Variants in CSNK1D observed in about 807,000 individuals in gnomAD.
CSNK1D encodes casein kinase 1 delta.
Under a neutral mutation model 46.6 loss-of-function variants are expected in CSNK1D, and 16 were observed. The ratio of observed to expected loss-of-function variants is 0.34; its 90% CI spans 0.23 to 0.52. CSNK1D has a LOEUF of 0.52. CSNK1D is among the 20% of genes least tolerant of loss of function. CSNK1D has a pLI of 0.95. For synonymous variants in CSNK1D, 276 were observed against 228.2 expected (o/e 1.21, Z -1.89); for missense variants, 398 against 578.4 (o/e 0.69, Z 3.20).
chr17:82,267,059 CAAAAAAAAAA>C (rs975298692), intron 1 of CSNK1D: 1 of 51,126 alleles, frequency 2.0e-5, no homozygotes, highest in African/African-American at 6.9e-5. Context: ...GACACCGTCT[CAAAAAAAAAA>C]AAAAAAAAAA....
Position 82,251,262 on chromosome 17 carries a change from ACAAC to A in CSNK1D, c.885+113_885+116del. 2 of 1,274,594 alleles carry A rather than the reference ACAAC, an allele frequency of 1.6e-6. No homozygotes were observed. Among genetic ancestry groups the A allele is most frequent in the Non-Finnish European group, 2.2e-6 (2 of 892,334 alleles). The allele number at this position is 1,274,594 out of a possible 1,614,324, so 79.0% of individuals were successfully genotyped here. Reference sequence around the variant, plus strand: ...CCTGCCCACTACACACTTGCCCTTCACAACCAGAGACACTCCCTATATGGTACAG... The same window carrying A: ...CCTGCCCACTACACACTTGCCCTTCACAGAGACACTCCCTATATGGTACAG... On this transcript the variant is annotated intron_variant, in intron 6 of 8. Transcript: ENST00000314028. The surrounding 1 kb of genome is among the most constrained non-coding windows in gnomAD (Gnocchi z 4.5).
chr17:82,243,207 T>C lies in CSNK1D; in HGVS notation c.*1574A>G, dbSNP rs2050771011. ...GCCAGCTGGTGGGGGGGTGAACAAC[T>C]GTGTTCTGGGACGCCAGCCAGTTAT... On this transcript the variant is annotated 3_prime_UTR_variant, in exon 9 of 9. Coordinates refer to ENST00000314028, the MANE Select transcript of CSNK1D (RefSeq NM_001893.6). 2 of 985,446 alleles carry C rather than the reference T, an allele frequency of 2.0e-6. No individual in the cohort carries two copies. Among genetic ancestry groups the C allele is most frequent in the Middle Eastern group, 5.2e-4 (1 of 1,938 alleles). 61.0% of individuals were successfully genotyped at this position (985,446 alleles called of 1,614,324 possible).
intron 3 of CSNK1D, chr17:82,254,753 G>A (rs1481439681): frequency 5.0e-6 from 1 of 198,678 alleles, no homozygotes. Flanking sequence ...CCGGAGCCTC[G>A]AGAAGCCAGT....
intron 2 of CSNK1D, among the ~76,000 whole-genome samples, chr17:82,263,198 A>AAAAAAC (rs1213275888): frequency 6.6e-6 from 1 of 152,178 alleles, no homozygotes; most frequent in African/African-American, 2.4e-5. Context: ...AACAAAAAAC[A>AAAAAAC]AAAAACAAAA....
chr17:82,272,877 T>A (rs1599629249), intron 1 of CSNK1D, among the ~76,000 whole-genome samples: 1 of 134,298 alleles, frequency 7.4e-6, no homozygotes, highest in Admixed American at 7.4e-5. Context: ...GCCCCAGCCC[T>A]ACCCCCTCCC....
intron 3 of CSNK1D, chr17:82,254,222 C>T (rs369219621): frequency 0.015 from 3,949 of 262,802 alleles, 55 homozygotes; most frequent in South Asian, 0.029. Context: ...GCTGAGCCGC[C>T]GGAGCCTCGA....
Position 82,248,926 on chromosome 17 carries a change from G to A in CSNK1D, c.1146C>T (p.Ser382=), listed in dbSNP as rs1187800792. Residue 382 remains serine (S), a synonymous_variant, in exon 8 of 9, where the codon TCC becomes TCT. Coordinates refer to ENST00000314028, the MANE Select transcript of CSNK1D (RefSeq NM_001893.6). This position sits in a 1 kb window ranked among gnomAD's most constrained non-coding sequence, Gnocchi z 4.1. ...CTTGTCGGCCTGTGAGGTCGGACGA[G>A]GAGATGTTGACGGGGGCCCCGCGGT... ...RLHRGAPVNI[S]SSDLTGRQDT... is the part of the protein sequence containing the mutation. The A allele has an allele frequency of 1.7e-5, 27 of 1,608,496 alleles. No homozygotes were observed. In the Admixed American group the frequency reaches 3.5e-4, roughly 21 times the overall value.
intron 1 of CSNK1D, among the ~76,000 whole-genome samples, chr17:82,266,135 C>A (rs1205637432): frequency 6.6e-6 from 1 of 152,204 alleles, no homozygotes; most frequent in African/African-American, 2.4e-5. Flanking sequence ...CTGCACTTGC[C>A]CGCCCCAGAC....
At chr17:82,240,668 A>C (rs2050730343), downstream of CSNK1D, among the ~76,000 whole-genome samples, 1 of 152,170 alleles carries the variant, frequency 6.6e-6, no homozygotes, top group South Asian at 2.1e-4. Flanking sequence ...CACAGCACAC[A>C]GCAGAGGCTC....
chr17:82,249,675 C>G lies in CSNK1D; in HGVS notation c.886-73G>C, dbSNP rs1055932010. The G allele has an allele frequency of 2.6e-6, 4 of 1,534,426 alleles. No homozygotes were observed. The East Asian group carries it at 9.7e-5, about 37-fold the overall frequency. On this transcript the variant is annotated intron_variant, in intron 6 of 8. Transcript: ENST00000314028. This position sits in a 1 kb window ranked among gnomAD's most constrained non-coding sequence, Gnocchi z 6.7. ...AGCAACCCTAGGTCCTAGGCTGCCC[C>G]GGCCACGTGAGAAAATACCTACCAA...
chr17:82,255,954 G>A lies in CSNK1D; in HGVS notation c.188-377C>T, dbSNP rs1012438805. On this transcript the variant is annotated intron_variant, in intron 2 of 8. Coordinates refer to ENST00000314028, the MANE Select transcript of CSNK1D (RefSeq NM_001893.6). The surrounding 1 kb of genome is among the most constrained non-coding windows in gnomAD (Gnocchi z 5.9). ...AGGAGCAGCAGAGCCCGCCAGAAAC[G>A]TCACACAGGAGATGGGAGGAGAGAA... 2.6e-5 allele frequency among the ~76,000 whole-genome samples: 4 copies of A among 152,234 alleles called. No individual in the cohort carries two copies. Among genetic ancestry groups the A allele is most frequent in the African/African-American group, 9.6e-5 (4 of 41,472 alleles).
chr17:82,273,387 C>T lies in CSNK1D; in HGVS notation c.-6G>A, dbSNP rs758501693. The T allele has an allele frequency of 1.2e-6, 2 of 1,610,698 alleles. No homozygotes were observed. The highest frequency in any genetic ancestry group is 1.3e-5 in the African/African-American group (1 of 74,784). On this transcript the variant is annotated 5_prime_UTR_variant, in exon 1 of 9. Transcript: ENST00000314028. This position sits in a 1 kb window ranked among gnomAD's most constrained non-coding sequence, Gnocchi z 5.1. ...TTCCCGACTCTCAGCTCCATGGCGG[C>T]GGCGGCCCGATTCGCTCCTGCCCTC...
chr17:82,245,981 G>A, intron 8 of CSNK1D: 2 of 1,604,424 alleles, frequency 1.2e-6, no homozygotes, highest in Admixed American at 1.7e-5. Context: ...CTCACCCAGT[G>A]CTGCCTTCCG....
chr17:82,244,446 T>G lies in CSNK1D; in HGVS notation c.*335A>C. 2 of 1,306,606 alleles carry G rather than the reference T, an allele frequency of 1.5e-6. No homozygotes were observed. The highest frequency in any genetic ancestry group is 9.8e-7 in the Non-Finnish European group (1 of 1,019,524). 80.9% of individuals were successfully genotyped at this position (1,306,606 alleles called of 1,614,324 possible). A position where few individuals can be genotyped will look rare whatever the true frequency, so the allele number is the denominator to read the frequency against. ...CCAAGTAGAAGATTGGTAGTTACAG[T>G]GGAATCGTCAGGGAGTACAGGGCGG... On this transcript the variant is annotated 3_prime_UTR_variant, in exon 9 of 9. Transcript: ENST00000314028.
Position 82,255,062 on chromosome 17 carries a change from C to G in CSNK1D, c.336+367G>C, listed in dbSNP as rs569676445. ...GCCTCGAGAAGCCAGTGAGCTGAGC[C>G]GCCGGAGCCTCGAGAAGCCAGTGAG... is the stretch of plus-strand genomic sequence containing the variant. On this transcript the variant is annotated intron_variant, in intron 3 of 8. Coordinates refer to ENST00000314028, the MANE Select transcript of CSNK1D (RefSeq NM_001893.6). The surrounding 1 kb of genome is among the most constrained non-coding windows in gnomAD (Gnocchi z 5.9). 1.9e-5 allele frequency: 7 copies of G among 367,190 alleles called. No homozygotes were observed. The highest frequency in any genetic ancestry group is 3.6e-5 in the Non-Finnish European group (7 of 194,836). The allele number at this position is 367,190 out of a possible 1,614,324, so 22.7% of individuals were successfully genotyped here.
At chr17:82,258,608 CCTT>C (rs1488251560) in intron 2 of CSNK1D, among the ~76,000 whole-genome samples, 11 of 152,120 alleles carry the variant, frequency 7.2e-5, no homozygotes, top group Non-Finnish European at 8.8e-5. Context: ...AGTCACAGTT[CCTT>C]CTTCTTAATA....
rs561497112 is a variant in CSNK1D, at chr17:82,257,660, G to GCTGCCCCCTGCA, written c.188-2095_188-2084dup. Among the ~76,000 whole-genome samples, 504 of 152,322 alleles carry GCTGCCCCCTGCA rather than the reference G, an allele frequency of 3.3e-3. 8 individuals carry two copies. The highest frequency in any genetic ancestry group is 4.3e-3 in the Non-Finnish European group (291 of 68,020). The stretch of plus-strand genomic sequence containing the variant: ...AAGGAGCCGTGAGAGGGCGCCCTGG[G>GCTGCCCCCTGCA]CTGCCCCCTGCACTGCTGGGAGCAT... On this transcript the variant is annotated intron_variant, in intron 2 of 8. Transcript: ENST00000314028.
chr17:82,260,730 C>T (rs5029172), intron 2 of CSNK1D, among the ~76,000 whole-genome samples: 10,454 of 111,962 alleles, frequency 0.093, 1,275 homozygotes, highest in African/African-American at 0.34. Flanking sequence ...TACTGACTGA[C>T]GGTGTACCGA....
chr17:82,244,883 C>T, intron 8 of CSNK1D, 52 bp from the exon 9 acceptor site: 1 of 1,611,586 alleles, frequency 6.2e-7, no homozygotes, highest in Middle Eastern at 1.7e-4. Context: ...GGGGAGCCGG[C>T]CAGGCAGATA....
Sources: allele counts gnomAD v4.1 joint callset (sites outside exome capture counted in the v4.1 genomes callset), GRCh38; gene constraint gnomAD v4.1.1; non-coding constraint Gnocchi (gnomAD v3.1); transcripts MANE v1.5; gene names NCBI Gene and HGNC (gene_info 2026-07-23, HGNC 2026-07-21).